TTBK2: variants seen among roughly 807,000 people sequenced by gnomAD.
TTBK2 encodes the protein tau tubulin kinase 2.
In TTBK2, 28 loss-of-function variants were observed where a neutral mutation model predicts 110.8. The ratio of observed to expected loss-of-function variants is 0.25; its 90% confidence interval spans 0.19 to 0.35. The LOEUF is 0.35. Among genes scored for constraint, TTBK2 ranks in the 10% least tolerant of loss-of-function variants. TTBK2 has a pLI of 1.00. For synonymous variants in TTBK2, 532 were observed against 527.3 expected (o/e 1.01, Z -0.12); for missense variants, 1,369 against 1,500.3 (o/e 0.91, Z 1.45).
intron 11 of TTBK2, among the ~76,000 whole-genome samples, chr15:42,779,679 C>T (rs1890096803): frequency 6.6e-6 from 1 of 152,028 alleles, no homozygotes; most frequent in Admixed American, 6.5e-5. Flanking sequence ...AAAAGAACAA[C>T]ATTAATAATC....
chr15:42,815,875 AATAT>A (rs1325792852), intron 7 of TTBK2, among the ~76,000 whole-genome samples: 1 of 111,844 alleles, frequency 8.9e-6, no homozygotes, highest in Non-Finnish European at 1.6e-5. Flanking sequence ...TATATATTTA[AATAT>A]ATATATATTT....
intron 9 of TTBK2, among the ~76,000 whole-genome samples, chr15:42,797,390 T>C (rs1235356904): frequency 6.6e-6 from 1 of 152,212 alleles, no homozygotes; most frequent in Non-Finnish European, 1.5e-5. Flanking sequence ...GTTACTACGA[T>C]GGTGATATTA....
intron 3 of TTBK2, among the ~76,000 whole-genome samples, chr15:42,865,517 A>AC (rs1351708353): frequency 1.7e-4 from 24 of 139,102 alleles, no homozygotes; most frequent in Admixed American, 4.1e-4. Flanking sequence ...TAATACTAAA[A>AC]AAAAAAAAAA....
intron 10 of TTBK2, among the ~76,000 whole-genome samples, chr15:42,793,481 T>C (rs562132354): frequency 1.3e-5 from 2 of 152,196 alleles, no homozygotes; most frequent in African/African-American, 2.4e-5. Context: ...TTTGAGGCCA[T>C]AGTGCACTAT....
intron 9 of TTBK2, chr15:42,801,502 CTT>C: frequency 1.3e-6 from 1 of 771,322 alleles, no homozygotes; most frequent in Non-Finnish European, 2.4e-6. Flanking sequence ...AGATCTCAGT[CTT>C]TGCACACCAC....
chr15:42,903,290 G>T (rs976778830), intron 1 of TTBK2, among the ~76,000 whole-genome samples: 1 of 152,136 alleles, frequency 6.6e-6, no homozygotes, highest in African/African-American at 2.4e-5. Context: ...TTGAAAATTA[G>T]TGTTTAACGG....
At chr15:42,839,744 C>G (rs1380487577) in intron 4 of TTBK2, among the ~76,000 whole-genome samples, 2 of 151,986 alleles carry the variant, frequency 1.3e-5, no homozygotes, top group Admixed American at 1.3e-4. Context: ...ATATATATGT[C>G]TTATTTTGAG....
At chr15:42,748,215 G>C (rs1009881569) in intron 14 of TTBK2, among the ~76,000 whole-genome samples, 2 of 152,106 alleles carry the variant, frequency 1.3e-5, no homozygotes, top group Admixed American at 1.3e-4. Context: ...CCAGCACTTT[G>C]GGGGGTTGAG....
chr15:42,865,526 A>C (rs1030890843), intron 3 of TTBK2, among the ~76,000 whole-genome samples: 6 of 143,586 alleles, frequency 4.2e-5, no homozygotes, highest in African/African-American at 1.3e-4. Context: ...AAAAAAAAAA[A>C]AAACCAACAA....
At chr15:42,876,390 G>A (rs1248336765) in intron 2 of TTBK2, among the ~76,000 whole-genome samples, 1 of 152,044 alleles carries the variant, frequency 6.6e-6, no homozygotes, top group East Asian at 1.9e-4. Flanking sequence ...GTCCACTGGA[G>A]AACAAACCAG....
chr15:42,809,369 A>T (rs1891606926), intron 9 of TTBK2, among the ~76,000 whole-genome samples: 1 of 152,244 alleles, frequency 6.6e-6, no homozygotes, highest in Non-Finnish European at 1.5e-5. Flanking sequence ...ATTAAGTTTC[A>T]AACTTCAGCT....
rs1374662019 is a variant in TTBK2, at chr15:42,762,720, A to AAAAT, written c.1999-9477_1999-9474dup. On this transcript the variant is annotated intron_variant, in intron 13 of 14. Transcript: ENST00000267890. ...GTGACAGAGTGAGATGCTGTCTCAA[A>AAAAT]AAATAAATAAATAAATAAATAAAAG... Among the ~76,000 whole-genome samples the AAAAT allele has an allele frequency of 2.0e-3, 310 of 152,194 alleles. 1 individual carries two copies. The highest frequency in any genetic ancestry group is 6.1e-3 in the African/African-American group (254 of 41,514).
rs781758856 is a variant in TTBK2, at chr15:42,802,158, C to T, written c.823-7357G>A. ...GCTTCTCCTCCTGGGTGCGCACGGC[C>T]TGGATGTTGGGGTCCACCTCCAGGT... On this transcript the variant is annotated intron_variant, in intron 9 of 14. Coordinates refer to ENST00000267890, the MANE Select transcript of TTBK2 (RefSeq NM_173500.4). The T allele has an allele frequency of 4.3e-6, 6 of 1,399,272 alleles. No homozygotes were observed. The South Asian group carries it at 6.9e-5, about 16-fold the overall frequency. The allele number at this position is 1,399,272 out of a possible 1,614,324, so 86.7% of individuals were successfully genotyped here. A position where few individuals can be genotyped will look rare whatever the true frequency, so the allele number is the denominator to read the frequency against.
At chr15:42,800,880 C>T in intron 9 of TTBK2, 1 of 620,742 alleles carries the variant, frequency 1.6e-6, no homozygotes, top group Middle Eastern at 3.3e-4. Context: ...TCGGGTGGGT[C>T]TCCCGTTCCC....
At chr15:42,793,145 T>G (rs1319224246) in intron 10 of TTBK2, among the ~76,000 whole-genome samples, 1 of 152,218 alleles carries the variant, frequency 6.6e-6, no homozygotes, top group African/African-American at 2.4e-5. Flanking sequence ...CAAACTCTGA[T>G]AAGCATGAGA....
rs149587317 is a variant in TTBK2, at chr15:42,823,675, A to G, written c.537+4253T>C. Among the ~76,000 whole-genome samples, 559 of 152,028 alleles carry G rather than the reference A, an allele frequency of 3.7e-3. 2 individuals are homozygous for G. The highest frequency in any genetic ancestry group is 0.013 in the African/African-American group (534 of 41,452). ...AAGCTTGCCCAACATGTGGCCCAGG[A>G]TGGCTTTGAACACAACACAACACAA... On this transcript the variant is annotated intron_variant, in intron 6 of 14. Coordinates refer to ENST00000267890, the MANE Select transcript of TTBK2 (RefSeq NM_173500.4).
At chr15:42,766,411 A>G (rs2140699671) in intron 13 of TTBK2, among the ~76,000 whole-genome samples, 1 of 146,248 alleles carries the variant, frequency 6.8e-6, no homozygotes, top group East Asian at 2.1e-4. Context: ...CTCAAAATAA[A>G]GGGACGAAGG....
intron 13 of TTBK2, among the ~76,000 whole-genome samples, chr15:42,765,993 C>T (rs1482328068): frequency 1.3e-5 from 2 of 152,086 alleles, no homozygotes; most frequent in Non-Finnish European, 2.9e-5. Flanking sequence ...GAATTTTCAA[C>T]CCAGAATTTC....
At chr15:42,810,135 T>C (rs1180146497) in intron 9 of TTBK2, among the ~76,000 whole-genome samples, 1 of 152,150 alleles carries the variant, frequency 6.6e-6, no homozygotes, top group Non-Finnish European at 1.5e-5. Flanking sequence ...CTTCTAAGGC[T>C]CATTAACTGA....
Sources: gnomAD v4.1 joint callset for allele counts (sites outside exome capture counted in the v4.1 genomes callset) on GRCh38, gnomAD v4.1.1 for gene constraint, MANE v1.5 for transcripts, NCBI Gene and HGNC (gene_info 2026-07-23, HGNC 2026-07-21) for gene names.